The following TMEM175 variants were observed in gnomAD, a reference collection of about 807,000 sequenced individuals.
TMEM175 encodes transmembrane protein 175, also known as endosomal/lysosomal proton channel TMEM175.
TMEM175 carries 36 observed loss-of-function variants against 36.5 expected under a neutral mutation model. That is an observed-to-expected ratio of 0.99 (90% confidence interval 0.76 to 1.30). The LOEUF (loss-of-function observed/expected upper bound fraction) is 1.30, where lower values mean the gene tolerates loss of function less well. TMEM175 is among the 50% of genes most tolerant of loss of function. The pLI is 0.00. For missense variants in TMEM175, 705 were observed against 692.8 expected, an observed-to-expected ratio of 1.02 and a Z score of -0.20; for synonymous variants, 339 against 313.4, an observed-to-expected ratio of 1.08 and a Z score of -0.86.
intron 10 of TMEM175, 176 bp downstream of exon 10, chr4:956,066 C>T (rs144527015): frequency 0.041 from 34,966 of 863,128 alleles, 999 homozygotes; most frequent in Middle Eastern, 0.058. Flanking sequence ...ACAACCTTCC[C>T]GGCGGCCCCT....
intron 1 of TMEM175, among the ~76,000 whole-genome samples, chr4:945,498 A>ACCT: frequency 6.6e-6 from 1 of 150,402 alleles, no homozygotes; most frequent in Middle Eastern, 3.4e-3. Context: ...TTTCATTTGC[A>ACCT]CCTCCCCGAT....
intron 4 of TMEM175, 143 bp from the exon 5 acceptor site, chr4:951,064 C>T (rs751837245): frequency 7.3e-6 from 6 of 827,574 alleles, no homozygotes; most frequent in African/African-American, 3.4e-5. Context: ...TTCCAAACTC[C>T]GTGCACTAGG....
intron 1 of TMEM175, among the ~76,000 whole-genome samples, chr4:941,967 T>G (rs528749455): frequency 2.2e-3 from 333 of 152,140 alleles, no homozygotes; most frequent in Non-Finnish European, 4.0e-3. Flanking sequence ...CTTCCAAGAG[T>G]TTTATAGTTT....
chr4:945,734 A>G (rs752953420), intron 1 of TMEM175, among the ~76,000 whole-genome samples: 8 of 151,982 alleles, frequency 5.3e-5, no homozygotes, highest in Non-Finnish European at 1.0e-4. Flanking sequence ...CTTTGGAGTA[A>G]AACCTGGGGG....
intron 8 of TMEM175, among the ~76,000 whole-genome samples, chr4:954,300 A>C (rs1229431623): frequency 6.6e-6 from 1 of 152,186 alleles, no homozygotes; most frequent in Admixed American, 6.5e-5. Flanking sequence ...TTTCTTTTGG[A>C]TAAGGAATCT....
At position 937,616 on chromosome 4, in the gene TMEM175, A is replaced by G. The variant is rs890718850; in HGVS notation, c.-32+5076A>G. 2.6e-5 allele frequency among the ~76,000 whole-genome samples: 4 copies of G among 152,340 alleles called. No individual in the cohort carries two copies. In the East Asian group the frequency reaches 5.8e-4, roughly 22 times the overall value. ...AGCTTCTCTGGGAATTCTACTAAAC[A>G]TTGAAGGAAGAAATAATACCAGTTC... On this transcript the variant is annotated intron_variant, in intron 1 of 10. Transcript: ENST00000264771.
chr4:955,799 G>A lies in TMEM175; in HGVS notation c.751G>A (p.Asp251Asn), dbSNP rs756516977. Residue 251 changes from aspartate to asparagine, a missense_variant, in exon 10 of 11, where the codon GAC becomes AAC. Physicochemically the swap from Asp to Asn is conservative, Grantham distance 23. Transcript: ENST00000264771. ...TCACCCAGTGGAAGTCTTCTCGTTT[G>A]ACCTCCACGAGCCACTCAGCAAGGA... ...SAHPVEVFSF[D>N]LHEPLSKERV... 5 of 1,613,622 alleles carry A rather than the reference G, an allele frequency of 3.1e-6. No homozygotes were observed. Among genetic ancestry groups the A allele is most frequent in the Non-Finnish European group, 4.2e-6 (5 of 1,179,932 alleles).
At chr4:936,815 C>G (rs546962727) in intron 1 of TMEM175, among the ~76,000 whole-genome samples, 16 of 152,170 alleles carry the variant, frequency 1.1e-4, no homozygotes, top group African/African-American at 3.9e-4. Flanking sequence ...AAATTAGCTG[C>G]GCATGGTGGC....
chr4:944,660 A>G (rs1469640439), intron 1 of TMEM175, among the ~76,000 whole-genome samples: 1 of 152,232 alleles, frequency 6.6e-6, no homozygotes, highest in African/African-American at 2.4e-5. Flanking sequence ...AAATGGTACA[A>G]TAGTATGGTT....
At chr4:950,380 C>A in intron 3 of TMEM175, 41 bp from the exon 4 acceptor site, 1 of 1,488,258 alleles carries the variant, frequency 6.7e-7, no homozygotes, top group South Asian at 1.1e-5. Context: ...CAGGGACACT[C>A]ATGTCACCTG....
Position 951,980 on chromosome 4 carries a change from C to T in TMEM175, c.378+263C>T, listed in dbSNP as rs1356800320. On this transcript the variant is annotated intron_variant, in intron 6 of 10. Transcript: ENST00000264771. ...CCTGAGCCCACAGCCCCCTGCCCAT[C>T]CCAGGCCTGTCCCTGGCGTGCAGCC... is the stretch of plus-strand genomic sequence containing the variant. 3 of 591,478 alleles carry T rather than the reference C, an allele frequency of 5.1e-6. No individual in the cohort carries two copies. The Admixed American group carries it at 9.0e-5, about 18-fold the overall frequency. The allele number at this position is 591,478 out of a possible 1,614,324, so 36.6% of individuals were successfully genotyped here.
At chr4:938,471 T>C (rs1021506062) in intron 1 of TMEM175, among the ~76,000 whole-genome samples, 3 of 151,786 alleles carry the variant, frequency 2.0e-5, no homozygotes, top group African/African-American at 7.3e-5. Context: ...ACCACTGTGC[T>C]CCACTCTGGA....
In TMEM175 at chr4:951,115, T is replaced by A; in HGVS notation, c.291-92T>A. ...GGTTAACAGTGACATCTTTTAATGA[T>A]GTTTTAACCAGAAGATGCTGGAAAG... On this transcript the variant is annotated intron_variant, in intron 4 of 10. Coordinates refer to ENST00000264771, the MANE Select transcript of TMEM175 (RefSeq NM_032326.4). 2 of 1,205,944 alleles carry A rather than the reference T, an allele frequency of 1.7e-6. 1 individual carries two copies. The highest frequency in any genetic ancestry group is 2.5e-5 in the South Asian group (2 of 81,052). 74.7% of individuals were successfully genotyped at this position (1,205,944 alleles called of 1,614,324 possible). A position where few individuals can be genotyped will look rare whatever the true frequency, so the allele number is the denominator to read the frequency against.
intron 7 of TMEM175, 91 bp downstream of exon 7, chr4:952,541 TAGGGGGCCC>T: frequency 7.9e-7 from 1 of 1,269,446 alleles, no homozygotes; most frequent in Non-Finnish European, 1.1e-6. Flanking sequence ...GTCGTGCAGG[TAGGGGGCCC>T]AGGGGGCCTG....
In TMEM175 at chr4:947,720, C is replaced by T. The variant is rs374656856; in HGVS notation, c.-20C>T. ...GCCTTTCCTCCCAGGCTCCTGTAACCGCCAGGCAGCGGCCCCGCCATGTCC... is the reference window on the plus strand; with the variant it reads ...GCCTTTCCTCCCAGGCTCCTGTAACTGCCAGGCAGCGGCCCCGCCATGTCC... On this transcript the variant is annotated 5_prime_UTR_variant, in exon 2 of 11. Transcript: ENST00000264771. The T allele has an allele frequency of 9.5e-6, 15 of 1,586,194 alleles. No individual in the cohort carries two copies. Among genetic ancestry groups the T allele is most frequent in the African/African-American group, 2.7e-5 (2 of 74,506 alleles).
Position 955,967 on chromosome 4 carries a change from C to T in TMEM175, c.842+77C>T, listed in dbSNP as rs1353415726. ...AGTCCCTGGCGTCTCATCCTGGAAACCCCAGAAAGGCACAGGGGTCTTGGC... is the reference window on the plus strand; with the variant it reads ...AGTCCCTGGCGTCTCATCCTGGAAATCCCAGAAAGGCACAGGGGTCTTGGC... On this transcript the variant is annotated intron_variant, in intron 10 of 10. Transcript: ENST00000264771. The T allele has an allele frequency of 5.9e-5, 91 of 1,548,764 alleles. 1 individual carries two copies. Among genetic ancestry groups the T allele is most frequent in the Non-Finnish European group, 7.6e-5 (86 of 1,133,864 alleles).
chr4:955,713 A>T (rs752174427), intron 9 of TMEM175, 42 bp from the exon 10 acceptor site: 3 of 1,601,850 alleles, frequency 1.9e-6, no homozygotes, highest in Non-Finnish European at 2.6e-6. Flanking sequence ...CTACCTCCAC[A>T]TGGGGGGTTT....
chr4:955,388 G>T lies in TMEM175; in HGVS notation c.628-17G>T, dbSNP rs201833639. The T allele has an allele frequency of 6.2e-7, 1 of 1,611,450 alleles. No individual in the cohort carries two copies. The highest frequency in any genetic ancestry group is 1.1e-5 in the South Asian group (1 of 90,952). ...ACCCCTGTGGAGGGCACTGACCTGC[G>T]GTTTGTCTCCCTGCAGTCTTACCTG... On this transcript the variant is annotated splice_polypyrimidine_tract_variant and intron_variant, in intron 8 of 10. Coordinates refer to ENST00000264771, the MANE Select transcript of TMEM175 (RefSeq NM_032326.4).
chr4:947,985 T>C, intron 2 of TMEM175, 93 bp downstream of exon 2: 1 of 1,611,390 alleles, frequency 6.2e-7, no homozygotes, highest in Non-Finnish European at 8.5e-7. Context: ...CTTGCCAGCA[T>C]CCTTGGGTCC....
Sources: gnomAD v4.1 joint callset for allele counts (sites outside exome capture counted in the v4.1 genomes callset) on GRCh38, gnomAD v4.1.1 for gene constraint, MANE v1.5 for transcripts, NCBI Gene and HGNC (gene_info 2026-07-23, HGNC 2026-07-21) for gene names.